The following ADAMTSL1 variants were observed in gnomAD, a reference collection of about 807,000 sequenced individuals.
ADAMTSL1 encodes the protein ADAMTS like 1, also known as ADAMTS-like protein 1.
Under a neutral mutation model 201.8 loss-of-function variants are expected in ADAMTSL1, and 126 were observed. That is an observed-to-expected ratio of 0.62 (90% CI 0.54 to 0.72). The LOEUF is 0.72. Ranked by LOEUF, ADAMTSL1 falls within the 30% of genes least tolerant of loss-of-function variation. The pLI, the probability that ADAMTSL1 is intolerant of heterozygous loss-of-function variation, is 0.00. For synonymous variants in ADAMTSL1, 1,121 were observed against 903.4 expected (o/e 1.24, Z -4.32); for missense variants, 2,679 against 2,277.8 (o/e 1.18, Z -3.59).
chr9:18,277,635 C>A (rs1367899314), intron 2 of ADAMTSL1, among the ~76,000 whole-genome samples: 1 of 152,262 alleles, frequency 6.6e-6, no homozygotes, highest in South Asian at 2.1e-4. Context: ...CTGTTTCTTT[C>A]TATCCCTACT....
intron 1 of ADAMTSL1, among the ~76,000 whole-genome samples, chr9:18,086,589 A>G (rs915407696): frequency 4.6e-5 from 7 of 152,204 alleles, no homozygotes; most frequent in African/African-American, 1.7e-4. Flanking sequence ...GATATTATTA[A>G]GCAGTAAGAT....
rs180680152 is a variant in ADAMTSL1, at chr9:18,894,520, G to A, written c.4851+1924G>A. Among the ~76,000 whole-genome samples, 146 of 151,994 alleles carry A rather than the reference G, an allele frequency of 9.6e-4. 2 individuals carry two copies. Among genetic ancestry groups the A allele is most frequent in the African/African-American group, 3.2e-3 (131 of 41,446 alleles). On this transcript the variant is annotated intron_variant, in intron 26 of 28. Transcript: ENST00000380548. ...CATTTCCTCTTTATAAGCGTGATTCGCATGGCTTCCATGATCCATTGGATA... is the reference window on the plus strand; with the variant it reads ...CATTTCCTCTTTATAAGCGTGATTCACATGGCTTCCATGATCCATTGGATA...
chr9:18,577,291 G>A (rs1822796678), intron 4 of ADAMTSL1, among the ~76,000 whole-genome samples: 1 of 152,224 alleles, frequency 6.6e-6, no homozygotes, highest in South Asian at 2.1e-4. Context: ...TTTGAGACCT[G>A]CCTGGCCAAC....
intron 3 of ADAMTSL1, among the ~76,000 whole-genome samples, chr9:18,550,911 AAC>A (rs1474777427): frequency 3.9e-5 from 6 of 151,938 alleles, no homozygotes; most frequent in Non-Finnish European, 8.8e-5. Flanking sequence ...AGAAAATGGA[AAC>A]ACAAGATAAG....
intron 2 of ADAMTSL1, among the ~76,000 whole-genome samples, chr9:18,365,373 A>C (rs1836722489): frequency 6.6e-6 from 1 of 152,208 alleles, no homozygotes. Flanking sequence ...AGATGCATTC[A>C]TATGTAGAAA....
At chr9:18,248,618 A>G (rs1160430657) in intron 2 of ADAMTSL1, among the ~76,000 whole-genome samples, 6 of 152,174 alleles carry the variant, frequency 3.9e-5, no homozygotes, top group African/African-American at 7.2e-5. Context: ...AAAAATCACA[A>G]TCAGAAGGTT....
intron 11 of ADAMTSL1, 114 bp from the exon 12 acceptor site, chr9:18,681,698 G>GC: frequency 3.1e-6 from 1 of 322,690 alleles, no homozygotes; most frequent in South Asian, 6.2e-5. Context: ...GTCCTCGTGT[G>GC]GGGGGGGGGG....
intron 4 of ADAMTSL1, among the ~76,000 whole-genome samples, chr9:18,595,920 G>C (rs1400162417): frequency 6.6e-6 from 1 of 152,164 alleles, no homozygotes; most frequent in East Asian, 1.9e-4. Flanking sequence ...CCTAGGTCAT[G>C]GGCTCTGCTA....
intron 1 of ADAMTSL1, among the ~76,000 whole-genome samples, chr9:18,111,224 G>A (rs1824992869): frequency 1.3e-5 from 2 of 152,262 alleles, no homozygotes; most frequent in East Asian, 3.9e-4. Flanking sequence ...ATAATGACAA[G>A]AGTTATTTTA....
At chr9:18,889,059 C>A (rs1163787997) in intron 24 of ADAMTSL1, among the ~76,000 whole-genome samples, 1 of 152,230 alleles carries the variant, frequency 6.6e-6, no homozygotes, top group African/African-American at 2.4e-5. Flanking sequence ...TTACTGACAT[C>A]ATTGTCTCAT....
At chr9:18,030,589 T>C (rs1442498124) in intron 1 of ADAMTSL1, among the ~76,000 whole-genome samples, 2 of 152,162 alleles carry the variant, frequency 1.3e-5, no homozygotes, top group Admixed American at 6.5e-5. Context: ...TCTTTTGTGT[T>C]GACCTTGAAA....
At position 18,892,554 on chromosome 9, in the gene ADAMTSL1, C is replaced by T. The variant is rs200090957; in HGVS notation, c.4809C>T (p.Asn1603=). 3.5e-5 allele frequency: 55 copies of T among 1,577,594 alleles called. No individual in the cohort carries two copies. The highest frequency in any genetic ancestry group is 4.6e-5 in the Non-Finnish European group (53 of 1,161,500). The part of the protein sequence containing the change: ...AKRPVDTQAC[N]QQLCVEWAFS... ...GGCCTGTGGACACCCAGGCCTGTAA[C>T]CAGCAGCTGTGTGTGGAGTGGGCCT... is the stretch of plus-strand genomic sequence containing the variant. The change falls in exon 26 of 29, where the codon AAC becomes AAT. Residue 1603 remains asparagine, a synonymous_variant. Coordinates refer to ENST00000380548, the MANE Select transcript of ADAMTSL1 (RefSeq NM_001040272.6).
At chr9:18,293,800 G>C (rs984574681) in intron 2 of ADAMTSL1, among the ~76,000 whole-genome samples, 15 of 152,120 alleles carry the variant, frequency 9.9e-5, no homozygotes, top group African/African-American at 3.4e-4. Context: ...TAGTTCTAGA[G>C]ACTGCATGAG....
At chr9:18,243,094 T>C (rs1360036889) in intron 2 of ADAMTSL1, among the ~76,000 whole-genome samples, 1 of 152,076 alleles carries the variant, frequency 6.6e-6, no homozygotes, top group Non-Finnish European at 1.5e-5. Flanking sequence ...ATTACAAAGC[T>C]GTAGTAATCA....
chr9:18,330,573 G>T (rs1834991765), intron 2 of ADAMTSL1, among the ~76,000 whole-genome samples: 1 of 152,108 alleles, frequency 6.6e-6, no homozygotes. Flanking sequence ...TGTATGCCAA[G>T]TGTGTGCCAG....
At position 18,558,145 on chromosome 9, in the gene ADAMTSL1, G is replaced by A. The variant is rs561432652; in HGVS notation, c.238-15885G>A. On this transcript the variant is annotated intron_variant, in intron 3 of 28. Coordinates refer to ENST00000380548, the MANE Select transcript of ADAMTSL1 (RefSeq NM_001040272.6). ...ATCTACATTAGTTATTTCTCCTAATGCTATCCCTCCCCTAGTCCTGCATCT... is the reference window on the plus strand; with the variant it reads ...ATCTACATTAGTTATTTCTCCTAATACTATCCCTCCCCTAGTCCTGCATCT... Among the ~76,000 whole-genome samples the A allele has an allele frequency of 2.0e-5, 3 of 152,180 alleles. No individual in the cohort carries two copies. The South Asian group carries it at 6.2e-4, about 32-fold the overall frequency.
chr9:18,524,762 G>A (rs1216837415), intron 2 of ADAMTSL1, among the ~76,000 whole-genome samples: 1 of 152,130 alleles, frequency 6.6e-6, no homozygotes, highest in Non-Finnish European at 1.5e-5. Flanking sequence ...TGTGTATGTT[G>A]AACCAGCCTT....
chr9:18,180,773 T>A (rs1454568560), intron 2 of ADAMTSL1, among the ~76,000 whole-genome samples: 1 of 152,228 alleles, frequency 6.6e-6, no homozygotes, highest in Admixed American at 6.5e-5. Context: ...TTCACAGAAT[T>A]GGAAAAAACT....
chr9:18,473,372 G>A (rs552574270), upstream of ADAMTSL1, among the ~76,000 whole-genome samples: 1 of 152,212 alleles, frequency 6.6e-6, no homozygotes, highest in South Asian at 2.1e-4. Context: ...TCTTTGTTGA[G>A]GGTTTCTTTT....
Sources: allele counts gnomAD v4.1 joint callset (sites outside exome capture counted in the v4.1 genomes callset), GRCh38; gene constraint gnomAD v4.1.1; transcripts MANE v1.5; gene names NCBI Gene and HGNC (gene_info 2026-07-23, HGNC 2026-07-21).